OSBPL10: variants seen among roughly 807,000 people sequenced by gnomAD.
OSBPL10 encodes the protein oxysterol-binding protein-related protein 10.
A neutral mutation model predicts 81.7 loss-of-function variants in OSBPL10; 49 were observed. That is an observed-to-expected ratio of 0.60 (90% confidence interval 0.48 to 0.76). OSBPL10 has a LOEUF of 0.76. Ranked by LOEUF, OSBPL10 falls within the 30% of genes least tolerant of loss-of-function variation. OSBPL10 has a pLI of 0.00. For missense variants in OSBPL10, 923 were observed against 987.8 expected, an observed-to-expected ratio of 0.93 and a Z score of 0.88; for synonymous variants, 419 against 383.6, an observed-to-expected ratio of 1.09 and a Z score of -1.08.
intron 4 of OSBPL10, among the ~76,000 whole-genome samples, chr3:31,799,324 A>G (rs1004005466): frequency 5.6e-5 from 8 of 144,016 alleles, no homozygotes; most frequent in Non-Finnish European, 1.1e-4. Flanking sequence ...AGAGGATCAC[A>G]TGAGGCCAGG....
At chr3:31,855,083 T>C (rs1394666080) in intron 3 of OSBPL10, among the ~76,000 whole-genome samples, 1 of 152,210 alleles carries the variant, frequency 6.6e-6, no homozygotes, top group African/African-American at 2.4e-5. Flanking sequence ...CTGGGGTGCA[T>C]GCTGCATGAT....
Position 31,969,003 on chromosome 3 carries a change from TTA to T in OSBPL10, c.281+11894_281+11895del, listed in dbSNP as rs988504679. ...ATGGGTTTTTGTTCTGTTAAACTTT[TTA>T]GAGACGAGGCCACTAAATGAGTCTG... is the stretch of plus-strand genomic sequence containing the variant. On this transcript the variant is annotated intron_variant, in intron 1 of 11. Transcript: ENST00000396556. 7.2e-4 allele frequency among the ~76,000 whole-genome samples: 109 copies of T among 152,302 alleles called. 1 individual carries two copies. Among genetic ancestry groups the T allele is most frequent in the African/African-American group, 2.6e-3 (108 of 41,568 alleles).
At chr3:31,918,363 C>A (rs369050853) in intron 1 of OSBPL10, among the ~76,000 whole-genome samples, 26 of 148,434 alleles carry the variant, frequency 1.8e-4, no homozygotes, top group African/African-American at 6.4e-4. Flanking sequence ...GGGTCTCATT[C>A]TGTTGCCCAG....
rs530938063 is a variant in OSBPL10, at chr3:32,004,155, G to A, written n.298+42336C>T. ...ATGATTTCTTATTTAAAAAATTAAC[G>A]AGTGTCCATGTTGGCACCCTTTGTT... is the stretch of plus-strand genomic sequence containing the variant. On this transcript the variant is annotated intron_variant and non_coding_transcript_variant, in intron 2 of 3. Transcript: ENST00000479173. 2.0e-5 allele frequency among the ~76,000 whole-genome samples: 3 copies of A among 152,128 alleles called. No homozygotes were observed. The South Asian group carries it at 6.2e-4, about 32-fold the overall frequency.
intron 3 of OSBPL10, among the ~76,000 whole-genome samples, chr3:31,872,515 A>T (rs1701356800): frequency 6.6e-6 from 1 of 151,668 alleles, no homozygotes; most frequent in Non-Finnish European, 1.5e-5. Context: ...AATTTTTCCA[A>T]GTAAGAATAT....
In OSBPL10 at chr3:31,965,394, T is replaced by TATAAC. The variant is rs1185472154; in HGVS notation, c.281+15504_281+15505insGTTAT. ...CAAAAAATATATATATTATGTATAATATATAATATAAAATATATATTATAT... is the reference window on the plus strand; with the variant it reads ...CAAAAAATATATATATTATGTATAATATAACATATAATATAAAATATATATTATAT... On this transcript the variant is annotated intron_variant, in intron 1 of 11. Coordinates refer to ENST00000396556, the MANE Select transcript of OSBPL10 (RefSeq NM_017784.5). 2.5e-3 allele frequency among the ~76,000 whole-genome samples: 264 copies of TATAAC among 107,122 alleles called. 5 individuals carry two copies. The highest frequency in any genetic ancestry group is 9.4e-3 in the African/African-American group (242 of 25,854). 70.3% of individuals were successfully genotyped at this position (107,122 alleles called of 152,430 possible). A position where few individuals can be genotyped will look rare whatever the true frequency, so the allele number is the denominator to read the frequency against.
chr3:31,735,705 T>C (rs575478514), intron 5 of OSBPL10, among the ~76,000 whole-genome samples: 4 of 151,838 alleles, frequency 2.6e-5, no homozygotes, highest in Non-Finnish European at 5.9e-5. Flanking sequence ...AAGTCTCCTG[T>C]GTAGATCCAG....
At chr3:32,060,626 C>G (rs77437531) in intron 1 of OSBPL10, among the ~76,000 whole-genome samples, 3,423 of 35,720 alleles carry the variant, frequency 0.096, 874 homozygotes, top group East Asian at 0.28. Flanking sequence ...TTCAAACAGG[C>G]AAATTTGATT....
intron 1 of OSBPL10, among the ~76,000 whole-genome samples, chr3:31,955,117 T>C (rs1426000134): frequency 6.6e-6 from 1 of 152,252 alleles, no homozygotes; most frequent in East Asian, 1.9e-4. Context: ...GCTACTGGCA[T>C]CCAGGCATCC....
chr3:31,945,265 C>G (rs1389542355), intron 1 of OSBPL10, among the ~76,000 whole-genome samples: 1 of 151,854 alleles, frequency 6.6e-6, no homozygotes, highest in South Asian at 2.1e-4. Context: ...GCAAACAAGG[C>G]GTCAAATTCC....
At chr3:31,818,628 G>A (rs959359723) in intron 4 of OSBPL10, among the ~76,000 whole-genome samples, 3 of 152,066 alleles carry the variant, frequency 2.0e-5, no homozygotes, top group African/African-American at 4.8e-5. Flanking sequence ...TCCACTAACC[G>A]CTTCTCCAGC....
intron 7 of OSBPL10, 110 bp downstream of exon 7, chr3:31,702,243 TCCCCAC>T: frequency 1.6e-6 from 2 of 1,263,396 alleles, no homozygotes; most frequent in Admixed American, 2.6e-5. Flanking sequence ...CTGGCCTTTT[TCCCCAC>T]TCTTCTTCTC....
intron 3 of OSBPL10, among the ~76,000 whole-genome samples, chr3:31,862,036 C>G (rs1263418571): frequency 1.3e-5 from 2 of 152,144 alleles, no homozygotes; most frequent in African/African-American, 2.4e-5. Flanking sequence ...ACAGCCCATG[C>G]CTGGAACTGT....
chr3:31,967,754 A>G (rs967784631), intron 1 of OSBPL10, among the ~76,000 whole-genome samples: 1 of 152,208 alleles, frequency 6.6e-6, no homozygotes. Context: ...TCACACACTC[A>G]GGCAATTTCA....
chr3:31,822,938 G>GAAAAAAAA (rs71097448), intron 4 of OSBPL10, among the ~76,000 whole-genome samples: 1 of 133,350 alleles, frequency 7.5e-6, no homozygotes, highest in Non-Finnish European at 1.6e-5. Context: ...AGTTAAAATA[G>GAAAAAAAA]AAAAAAAAAT....
chr3:32,016,862 C>A (rs187608438), intron 2 of OSBPL10, among the ~76,000 whole-genome samples: 1 of 152,250 alleles, frequency 6.6e-6, no homozygotes, highest in East Asian at 1.9e-4. Context: ...AATCTGTCTG[C>A]ATATGAGTAT....
intron 1 of OSBPL10, among the ~76,000 whole-genome samples, chr3:31,961,907 GTTT>G (rs34399596): frequency 1.5e-5 from 2 of 130,046 alleles, no homozygotes; most frequent in African/African-American, 5.9e-5. Context: ...TTTTGTTTTG[GTTT>G]TTTTTTTTTT....
chr3:31,924,572 C>T (rs189912776), intron 1 of OSBPL10, among the ~76,000 whole-genome samples: 16 of 152,258 alleles, frequency 1.1e-4, no homozygotes, highest in Non-Finnish European at 2.1e-4. Flanking sequence ...CTAAAATCAG[C>T]ATAATTTGGT....
chr3:31,694,431 A>G (rs1695653906), intron 7 of OSBPL10, among the ~76,000 whole-genome samples: 3 of 148,834 alleles, frequency 2.0e-5, no homozygotes, highest in African/African-American at 7.4e-5. Context: ...TTATCCATAT[A>G]TCTTATATTC....
Sources: gnomAD v4.1 joint callset for allele counts (sites outside exome capture counted in the v4.1 genomes callset) on GRCh38, gnomAD v4.1.1 for gene constraint, MANE v1.5 for transcripts, NCBI Gene and HGNC (gene_info 2026-07-23, HGNC 2026-07-21) for gene names.